Variants in HPSE2 observed in about 807,000 individuals in gnomAD.
HPSE2 encodes the protein heparanase 2 (inactive), also known as inactive heparanase-2.
HPSE2 carries 38 observed loss-of-function variants against 60.5 expected under a neutral mutation model. The observed-to-expected ratio is 0.63, with a 90% confidence interval of 0.48 to 0.82. The LOEUF (loss-of-function observed/expected upper bound fraction) is 0.82, where lower values mean the gene tolerates loss of function less well. HPSE2 is among the 40% of genes least tolerant of loss of function. The pLI is 0.00. For missense variants in HPSE2, 713 were observed against 740.4 expected (o/e 0.96, Z 0.43); for synonymous variants, 295 against 293.2 (o/e 1.01, Z -0.06).
chr10:99,108,264 A>G (rs1589668870), intron 3 of HPSE2, among the ~76,000 whole-genome samples: 1 of 152,300 alleles, frequency 6.6e-6, no homozygotes, highest in East Asian at 1.9e-4. Context: ...AAAGCCTATT[A>G]TACTCTGAGA....
At chr10:99,199,454 G>C (rs544107834) in intron 2 of HPSE2, among the ~76,000 whole-genome samples, 34 of 151,960 alleles carry the variant, frequency 2.2e-4, no homozygotes, top group African/African-American at 8.0e-4. Context: ...TGATTTTTGG[G>C]TATGGTATAA....
chr10:98,525,492 C>T (rs12412681), intron 9 of HPSE2, among the ~76,000 whole-genome samples: 51,301 of 152,094 alleles, frequency 0.34, 8,766 homozygotes, highest in East Asian at 0.42. Context: ...GCTGGGAAGA[C>T]GGGCCTAAGG....
At chr10:98,529,344 A>G (rs616979) in intron 9 of HPSE2, among the ~76,000 whole-genome samples, 7,887 of 152,290 alleles carry the variant, frequency 0.052, 224 homozygotes, top group South Asian at 0.088. Flanking sequence ...AGTGATCTCT[A>G]TCGACACTTA....
At chr10:99,271,079 A>G in the HPSE2 span, among the ~76,000 whole-genome samples, 2 of 152,198 alleles carry the variant, frequency 1.3e-5, no homozygotes, top group East Asian at 1.9e-4. Context: ...CTGGAACAAG[A>G]CAAGGATGCC....
intron 3 of HPSE2, among the ~76,000 whole-genome samples, chr10:98,803,049 A>T (rs1950953305): frequency 6.7e-6 from 1 of 149,924 alleles, no homozygotes; most frequent in African/African-American, 2.5e-5. Flanking sequence ...TGTGGTTTTG[A>T]TTTGCATTTC....
chr10:98,488,797 T>C (rs1941535163), intron 10 of HPSE2, among the ~76,000 whole-genome samples: 1 of 152,220 alleles, frequency 6.6e-6, no homozygotes, highest in South Asian at 2.1e-4. Flanking sequence ...TGTCAGGTAT[T>C]GGATTGAGCT....
chr10:99,047,612 A>T (rs764445467), intron 3 of HPSE2: 11 of 663,068 alleles, frequency 1.7e-5, no homozygotes, highest in Non-Finnish European at 2.9e-5. Flanking sequence ...ACTTAAATCA[A>T]CAAGCAGCTC....
rs151191803 is a variant in HPSE2, at chr10:98,480,198, C to T, written c.1613+2438G>A. Among the ~76,000 whole-genome samples the T allele has an allele frequency of 5.0e-3, 755 of 151,988 alleles. 11 individuals are homozygous for T. The highest frequency in any genetic ancestry group is 0.017 in the African/African-American group (713 of 41,388). On this transcript the variant is annotated intron_variant, in intron 11 of 11. Transcript: ENST00000370552. ...CTGCCTCCCAGTGATTCTCCTGCCT[C>T]GGGCTCCCAAGTAGCTGGAATTACA...
At chr10:98,464,524 G>C (rs771988556) in intron 11 of HPSE2, among the ~76,000 whole-genome samples, 1 of 152,144 alleles carries the variant, frequency 6.6e-6, no homozygotes, top group Non-Finnish European at 1.5e-5. Flanking sequence ...CTGACCCCTA[G>C]GTTGGGTTTG....
rs569533142 is a variant in HPSE2 at position 99,148,458 on chromosome 10, G to A, written c.449-4059C>T. On this transcript the variant is annotated intron_variant, in intron 2 of 11. Transcript: ENST00000370552. ...CCTGGTAGTCTAGAGTAAGTCCAAA[G>A]AAAAGTACAAATATGGAAAATAATG... Among the ~76,000 whole-genome samples, 235 of 152,242 alleles carry A rather than the reference G, an allele frequency of 1.5e-3. 1 individual carries two copies. The highest frequency in any genetic ancestry group is 3.4e-3 in the Middle Eastern group (1 of 294).
intron 3 of HPSE2, among the ~76,000 whole-genome samples, chr10:98,785,686 C>T (rs1009200116): frequency 3.4e-5 from 5 of 146,620 alleles, no homozygotes; most frequent in South Asian, 2.2e-4. Flanking sequence ...GTGTATGTGT[C>T]GAGGAATGTA....
chr10:98,887,335 G>C (rs1953193851), intron 3 of HPSE2, among the ~76,000 whole-genome samples: 1 of 152,096 alleles, frequency 6.6e-6, no homozygotes, highest in African/African-American at 2.4e-5. Context: ...TTGTGTGAAA[G>C]AACTAAATAA....
intron 8 of HPSE2, among the ~76,000 whole-genome samples, chr10:98,620,061 T>C (rs1946030716): frequency 1.3e-5 from 2 of 152,226 alleles, no homozygotes. Context: ...ACTAAATTGT[T>C]ATAAAAGCAG....
At chr10:98,690,168 C>T (rs548260559) in intron 6 of HPSE2, among the ~76,000 whole-genome samples, 1 of 152,306 alleles carries the variant, frequency 6.6e-6, no homozygotes, top group East Asian at 1.9e-4. Flanking sequence ...TTGACTCCTT[C>T]TCCTTGACAC....
intron 2 of HPSE2, among the ~76,000 whole-genome samples, chr10:99,201,393 C>A (rs909273304): frequency 6.6e-6 from 1 of 152,118 alleles, no homozygotes; most frequent in Non-Finnish European, 1.5e-5. Context: ...CTATTCTATT[C>A]TGTCCTGTGA....
intron 6 of HPSE2, among the ~76,000 whole-genome samples, chr10:98,684,070 C>T (rs748110006): frequency 6.6e-6 from 1 of 152,164 alleles, no homozygotes; most frequent in Non-Finnish European, 1.5e-5. Context: ...AGGGTCTCAA[C>T]GTGTTGACCT....
chr10:98,969,237 A>G (rs562591806), intron 3 of HPSE2, among the ~76,000 whole-genome samples: 22 of 152,338 alleles, frequency 1.4e-4, no homozygotes, highest in South Asian at 4.1e-4. Context: ...ATGAAATATA[A>G]GCACCAAAAT....
chr10:99,010,567 G>A (rs1230130111), intron 3 of HPSE2, among the ~76,000 whole-genome samples: 1 of 152,082 alleles, frequency 6.6e-6, no homozygotes, highest in African/African-American at 2.4e-5. Context: ...AAGATGACTG[G>A]GCAACTTCAT....
At chr10:99,163,377 T>C (rs1846925494) in intron 2 of HPSE2, among the ~76,000 whole-genome samples, 1 of 152,174 alleles carries the variant, frequency 6.6e-6, no homozygotes, top group Non-Finnish European at 1.5e-5. Context: ...AGTTCAAAAA[T>C]ACGTAAAGTC....
Sources: gnomAD v4.1 joint callset for allele counts (sites outside exome capture counted in the v4.1 genomes callset) on GRCh38, gnomAD v4.1.1 for gene constraint, MANE v1.5 for transcripts, NCBI Gene and HGNC (gene_info 2026-07-23, HGNC 2026-07-21) for gene names.